STARD3: variants seen among roughly 807,000 people sequenced by gnomAD.
STARD3 encodes StAR related lipid transfer domain containing 3, also known as stAR-related lipid transfer protein 3.
In STARD3, 39 loss-of-function variants were observed where a neutral mutation model predicts 62.0. That is an observed-to-expected ratio of 0.63 (90% CI 0.49 to 0.82). The LOEUF is 0.82. Ranked by LOEUF, STARD3 falls within the 40% of genes least tolerant of loss-of-function variation. The pLI is 0.00. For missense variants in STARD3, 543 were observed against 584.5 expected (o/e 0.93, Z 0.73); for synonymous variants, 229 against 242.4 (o/e 0.94, Z 0.51).
intron 1 of STARD3, among the ~76,000 whole-genome samples, chr17:39,640,590 C>T (rs762393470): frequency 3.3e-5 from 5 of 151,766 alleles, no homozygotes; most frequent in South Asian, 2.1e-4. Flanking sequence ...GATGACTAGC[C>T]GTTTCCAGAC....
At chr17:39,642,091 C>A (rs2056987171) in intron 1 of STARD3, among the ~76,000 whole-genome samples, 1 of 152,230 alleles carries the variant, frequency 6.6e-6, no homozygotes. Context: ...GGAGGTCATT[C>A]AAGAATGAGG....
chr17:39,661,084 C>T lies in STARD3; in HGVS notation c.1138C>T (p.Arg380Trp), dbSNP rs1333980718. 6 of 1,613,336 alleles carry T rather than the reference C, an allele frequency of 3.7e-6. No homozygotes were observed. The highest frequency in any genetic ancestry group is 1.1e-5 in the South Asian group (1 of 91,068). The change falls in exon 13 of 15, where the codon CGG (arginine) becomes TGG (tryptophan). Residue 380 changes from arginine (R) to tryptophan (W), a missense_variant and splice_region_variant. Arg to Trp is a moderately radical substitution (Grantham distance 101). Coordinates refer to ENST00000336308, the MANE Select transcript of STARD3 (RefSeq NM_006804.4). ...SAKPPTHKYVRGENGPGGFIV... is the reference protein window; with the variant it reads ...SAKPPTHKYVWGENGPGGFIV... ...CAAGCCCCCGACGCACAAATATGTC[C>T]GGTGAGCCTCACTTTGCCTGGGGTC...
chr17:39,642,512 G>T (rs192968384), intron 1 of STARD3, among the ~76,000 whole-genome samples: 44 of 152,306 alleles, frequency 2.9e-4, no homozygotes, highest in Admixed American at 2.2e-3. Flanking sequence ...AGGGAAGGGT[G>T]TAAATGGCCG....
rs1375897461 is a variant in STARD3, at chr17:39,660,761, G to A, written c.955-49G>A. 3 of 1,539,350 alleles carry A rather than the reference G, an allele frequency of 1.9e-6. No individual in the cohort carries two copies. On this transcript the variant is annotated intron_variant, in intron 11 of 14. Transcript: ENST00000336308. This position sits in a 1 kb window ranked among gnomAD's most constrained non-coding sequence, Gnocchi z 4.8. ...GGGCCTGGGGTGTTCCCATCCCTGG[G>A]GTTTTCCTGGGGCGACCTGTTCCAA...
chr17:39,653,351 C>T (rs907286436), intron 1 of STARD3, 130 bp from the exon 2 acceptor site: 1 of 648,328 alleles, frequency 1.5e-6, no homozygotes, highest in South Asian at 1.9e-5. Flanking sequence ...ATTTGGGCAA[C>T]AGTGCCCTGG....
chr17:39,659,756 C>T (rs531746625), intron 9 of STARD3: 1 of 568,730 alleles, frequency 1.8e-6, no homozygotes, highest in Non-Finnish European at 3.1e-6. Context: ...CTTCCCCGCA[C>T]CCCCCATGTT....
chr17:39,658,453 G>A lies in STARD3; in HGVS notation c.478G>A (p.Val160Ile). 6.2e-7 allele frequency: 1 copy of A among 1,614,120 alleles called. No individual in the cohort carries two copies. Among genetic ancestry groups the A allele is most frequent in the Non-Finnish European group, 8.5e-7 (1 of 1,180,008 alleles). The change falls in exon 6 of 15, where the codon GTC becomes ATC. Residue 160 changes from valine (V) to isoleucine (I), a missense_variant. Val to Ile is a conservative substitution (Grantham distance 29). Coordinates refer to ENST00000336308, the MANE Select transcript of STARD3 (RefSeq NM_006804.4). ...FGYLLPIVSFVLAWLETWFLD... is the reference protein window; with the variant it reads ...FGYLLPIVSFILAWLETWFLD... ...CTACCTGCTCCCCATCGTCTCTTTT[G>A]TCCTCGCCTGGTTGGAGACCTGGTT... is the stretch of plus-strand genomic sequence containing the variant.
Position 39,660,160 on chromosome 17 carries a change from C to T in STARD3, c.796-51C>T, listed in dbSNP as rs1203788244. The T allele has an allele frequency of 6.2e-7, 1 of 1,600,254 alleles. No homozygotes were observed. Among genetic ancestry groups the T allele is most frequent in the African/African-American group, 1.3e-5 (1 of 74,588 alleles). On this transcript the variant is annotated intron_variant, in intron 9 of 14. Transcript: ENST00000336308. This position sits in a 1 kb window ranked among gnomAD's most constrained non-coding sequence, Gnocchi z 4.8. The stretch of plus-strand genomic sequence containing the variant: ...CTGTCACCCATTTCTGTGCCACCAG[C>T]CCACCCCCTGCCTCCACTCTCCTCC...
intron 3 of STARD3, 44 bp downstream of exon 3, chr17:39,657,129 G>A (rs900911766): frequency 1.3e-5 from 20 of 1,588,898 alleles, no homozygotes; most frequent in Middle Eastern, 1.7e-4. Context: ...AGGCAGAGAG[G>A]GAGCAGGGAA....
intron 7 of STARD3, 21 bp downstream of exon 7, chr17:39,658,841 G>C: frequency 6.2e-7 from 1 of 1,611,976 alleles, no homozygotes; most frequent in Non-Finnish European, 8.5e-7. Flanking sequence ...GTGTGTGGGG[G>C]AACTGCTTTC....
Position 39,657,001 on chromosome 17 carries a change from C to T in STARD3, c.220-7C>T. On this transcript the variant is annotated splice_region_variant and splice_polypyrimidine_tract_variant and intron_variant, in intron 2 of 14. Transcript: ENST00000336308. ...CCTGCAGAGCTCTTCCTGTCTCCCT[C>T]TCACAGACCAACACAGGCATCCGTA... 6.2e-7 allele frequency: 1 copy of T among 1,614,112 alleles called. No individual in the cohort carries two copies.
intron 1 of STARD3, among the ~76,000 whole-genome samples, chr17:39,643,319 C>T (rs8066399): frequency 0.042 from 6,407 of 152,226 alleles, 319 homozygotes; most frequent in African/African-American, 0.12. Flanking sequence ...AGCATTTGTA[C>T]TTAGAAGGTC....
intron 2 of STARD3, among the ~76,000 whole-genome samples, chr17:39,656,191 C>T (rs1024265776): frequency 1.3e-5 from 2 of 152,148 alleles, no homozygotes; most frequent in African/African-American, 4.8e-5. Context: ...TGCTGGAGAG[C>T]GGAAGCCCCA....
chr17:39,662,983 C>T lies in STARD3; in HGVS notation c.*75C>T. The T allele has an allele frequency of 1.4e-6, 2 of 1,425,900 alleles. No individual in the cohort carries two copies. Among genetic ancestry groups the T allele is most frequent in the Non-Finnish European group, 1.9e-6 (2 of 1,044,098 alleles). The allele number at this position is 1,425,900 out of a possible 1,614,324, so 88.3% of individuals were successfully genotyped here. ...AGAGCCAGAAAGGGTGCCAGTTGGG[C>T]TCGCACTGCCCACATGGGACCTGGC... On this transcript the variant is annotated 3_prime_UTR_variant, in exon 15 of 15. Transcript: ENST00000336308.
chr17:39,654,048 G>C (rs565811340), intron 2 of STARD3, among the ~76,000 whole-genome samples: 1 of 152,338 alleles, frequency 6.6e-6, no homozygotes, highest in African/African-American at 2.4e-5. Flanking sequence ...CCCCCTAGTG[G>C]AGGCTCCCGA....
At chr17:39,655,648 C>T (rs1469547251) in intron 2 of STARD3, among the ~76,000 whole-genome samples, 8 of 152,158 alleles carry the variant, frequency 5.3e-5, no homozygotes, top group Admixed American at 5.2e-4. Flanking sequence ...TAGTAGAGTC[C>T]ACATGATGTT....
intron 1 of STARD3, among the ~76,000 whole-genome samples, chr17:39,647,082 C>A (rs1360056295): frequency 6.6e-6 from 1 of 152,070 alleles, no homozygotes; most frequent in Non-Finnish European, 1.5e-5. Context: ...ACCTGTAGTC[C>A]CCTCTACTTG....
chr17:39,659,124 C>CCTAA lies in STARD3; in HGVS notation c.702+20_702+23dup. 1 of 1,614,146 alleles carries CCTAA rather than the reference C, an allele frequency of 6.2e-7. No homozygotes were observed. ...CTGCTCAGGTATTTGCCTGCCTACCCCTAACCCCTGCCCTTGGAATGGGTG... is the reference window on the plus strand; with the variant it reads ...CTGCTCAGGTATTTGCCTGCCTACCCCTAACTAACCCCTGCCCTTGGAATGGGTG... On this transcript the variant is annotated intron_variant, in intron 8 of 14. Transcript: ENST00000336308.
At chr17:39,655,042 C>T (rs1597795759) in intron 2 of STARD3, among the ~76,000 whole-genome samples, 2 of 152,364 alleles carry the variant, frequency 1.3e-5, no homozygotes, top group East Asian at 3.9e-4. Flanking sequence ...TCAGGACCTT[C>T]TGCAGAGCTT....
Sources: gnomAD v4.1 joint callset for allele counts (sites outside exome capture counted in the v4.1 genomes callset) on GRCh38, gnomAD v4.1.1 for gene constraint, Gnocchi (gnomAD v3.1) non-coding constraint, MANE v1.5 for transcripts, NCBI Gene and HGNC (gene_info 2026-07-23, HGNC 2026-07-21) for gene names.